Variants in TULP3 observed in about 807,000 individuals in gnomAD.
TULP3 encodes TUB like protein 3, also known as tubby-related protein 3.
Under a neutral mutation model 50.7 loss-of-function variants are expected in TULP3, and 38 were observed. The observed-to-expected ratio is 0.75, with a 90% confidence interval of 0.58 to 0.98. The LOEUF (loss-of-function observed/expected upper bound fraction) is 0.98, where lower values mean the gene tolerates loss of function less well. Ranked by LOEUF, TULP3 falls within the 50% of genes least tolerant of loss-of-function variation. TULP3 has a pLI of 0.00. For missense variants in TULP3, 550 were observed against 568.0 expected (o/e 0.97, Z 0.32); for synonymous variants, 183 against 196.6 (o/e 0.93, Z 0.58).
chr12:2,905,232 C>T (rs1376709245), intron 1 of TULP3, among the ~76,000 whole-genome samples: 1 of 145,458 alleles, frequency 6.9e-6, no homozygotes, highest in East Asian at 2.1e-4. Flanking sequence ...TCTTGCCAGG[C>T]TGGAGTGCAG....
At chr12:2,919,766 T>TC (rs758269392) in intron 2 of TULP3, among the ~76,000 whole-genome samples, 1 of 152,156 alleles carries the variant, frequency 6.6e-6, no homozygotes. Flanking sequence ...GGTTTTTTTT[T>TC]CTCATAGTCT....
chr12:2,893,889 C>T (rs2098173791), intron 1 of TULP3, among the ~76,000 whole-genome samples: 1 of 151,788 alleles, frequency 6.6e-6, no homozygotes, highest in South Asian at 2.1e-4. Context: ...AGTGATCCTC[C>T]TGCCTCAGCC....
In TULP3 at chr12:2,913,215, GTGTGTGTA is replaced by G. The variant is rs1304467854; in HGVS notation, c.93+3643_93+3650del. Among the ~76,000 whole-genome samples the G allele has an allele frequency of 3.9e-4, 59 of 149,386 alleles. No homozygotes were observed. The Middle Eastern group carries it at 0.01, about 26-fold the overall frequency. ...TTATGTTGAGTTTGTGTGTGTGTGT[GTGTGTGTA>G]TGTGTGTGTGTGTGGTGGCCTTTTA... On this transcript the variant is annotated intron_variant, in intron 2 of 10. Transcript: ENST00000448120.
At chr12:2,917,711 A>T (rs989548152) in intron 2 of TULP3, among the ~76,000 whole-genome samples, 2 of 151,604 alleles carry the variant, frequency 1.3e-5, no homozygotes, top group Non-Finnish European at 2.9e-5. Flanking sequence ...CCTCATCTTT[A>T]CTAAAAATAC....
chr12:2,940,707 C>A lies in TULP3; in HGVS notation c.*1263C>A, dbSNP rs996109843. 121 of 1,550,960 alleles carry A rather than the reference C, an allele frequency of 7.8e-5. No individual in the cohort carries two copies. Among genetic ancestry groups the A allele is most frequent in the Non-Finnish European group, 1.0e-4 (119 of 1,146,712 alleles). On this transcript the variant is annotated 3_prime_UTR_variant, in exon 11 of 11. Coordinates refer to ENST00000448120, the MANE Select transcript of TULP3 (RefSeq NM_003324.5). ...TCACCTCCGCCTGTTGTTCCTGCAC[C>A]ACATCAGATAAGCATGTGAAGGAGG... is the stretch of plus-strand genomic sequence containing the variant.
intron 1 of TULP3, among the ~76,000 whole-genome samples, chr12:2,895,138 G>A (rs1370941521): frequency 6.6e-6 from 1 of 152,152 alleles, no homozygotes; most frequent in African/African-American, 2.4e-5. Flanking sequence ...CTTTTGCTGT[G>A]TGGTACTTGC....
At chr12:2,938,348 C>T (rs887958572) in intron 10 of TULP3, 63 bp downstream of exon 10, 46 of 1,494,058 alleles carry the variant, frequency 3.1e-5, no homozygotes, top group African/African-American at 1.9e-4. Flanking sequence ...GATGGGAATG[C>T]ACATTCCCTG....
At position 2,918,912 on chromosome 12, in the gene TULP3, G is replaced by A. The variant is rs140644634; in HGVS notation, c.94-1851G>A. On this transcript the variant is annotated intron_variant, in intron 2 of 10. Transcript: ENST00000448120. Reference sequence around the variant, plus strand: ...GAATTTTTTTTTTTTTTGAGACAGAGTCTCGAGTCTTGCTCTGTCACCCAG... The same window carrying A: ...GAATTTTTTTTTTTTTTGAGACAGAATCTCGAGTCTTGCTCTGTCACCCAG... Among the ~76,000 whole-genome samples the A allele has an allele frequency of 1.3e-3, 194 of 149,322 alleles. 1 individual carries two copies. The East Asian group carries it at 0.022, about 17-fold the overall frequency.
At chr12:2,921,574 T>C (rs1280688385) in intron 3 of TULP3, among the ~76,000 whole-genome samples, 1 of 152,142 alleles carries the variant, frequency 6.6e-6, no homozygotes, top group African/African-American at 2.4e-5. Flanking sequence ...TTCCAACAGA[T>C]AGTTGAAAGG....
At chr12:2,900,984 G>A (rs896810041) in intron 1 of TULP3, among the ~76,000 whole-genome samples, 4 of 151,378 alleles carry the variant, frequency 2.6e-5, no homozygotes, top group African/African-American at 9.7e-5. Context: ...TGGGATTACA[G>A]GCGTGAGCTA....
chr12:2,910,878 C>T (rs563045910), intron 2 of TULP3, among the ~76,000 whole-genome samples: 1 of 152,310 alleles, frequency 6.6e-6, no homozygotes, highest in South Asian at 2.1e-4. Context: ...TTATTTTCTT[C>T]ATTCTGTTGC....
At position 2,911,254 on chromosome 12, in the gene TULP3, T is replaced by C. The variant is rs2098185290; in HGVS notation, c.93+1674T>C. Reference sequence around the variant, plus strand: ...AATAAAAACATAAGAATTCAAATAATATAAGATAGATGTTTGATGAAAACA... The same window carrying C: ...AATAAAAACATAAGAATTCAAATAACATAAGATAGATGTTTGATGAAAACA... On this transcript the variant is annotated intron_variant, in intron 2 of 10. Transcript: ENST00000448120. Among the ~76,000 whole-genome samples the C allele has an allele frequency of 2.0e-5, 3 of 152,276 alleles. No individual in the cohort carries two copies. In the South Asian group the frequency reaches 6.2e-4, roughly 32 times the overall value.
intron 1 of TULP3, among the ~76,000 whole-genome samples, chr12:2,901,661 G>A (rs986333727): frequency 1.8e-4 from 27 of 152,078 alleles, no homozygotes; most frequent in Admixed American, 1.4e-3. Context: ...GGGATTACAG[G>A]TGTGAGCTAC....
In TULP3 at chr12:2,939,588, C is replaced by T. The variant is rs1353240873; in HGVS notation, c.*144C>T. On this transcript the variant is annotated 3_prime_UTR_variant, in exon 11 of 11. Transcript: ENST00000448120. This position sits in a 1 kb window ranked among gnomAD's most constrained non-coding sequence, Gnocchi z 4.0. ...TCTCTGAATATATAAAACACACACA[C>T]AAAGAGCAATAGTTTGCCCCTTTTG... 3 of 1,229,328 alleles carry T rather than the reference C, an allele frequency of 2.4e-6. No homozygotes were observed. The highest frequency in any genetic ancestry group is 1.7e-5 in the South Asian group (1 of 60,558). 76.2% of individuals were successfully genotyped at this position (1,229,328 alleles called of 1,614,324 possible).
At chr12:2,898,655 T>C (rs930121981) in intron 1 of TULP3, among the ~76,000 whole-genome samples, 1 of 152,176 alleles carries the variant, frequency 6.6e-6, no homozygotes, top group African/African-American at 2.4e-5. Flanking sequence ...CTTTTTTCTT[T>C]TTATTCATTA....
At chr12:2,915,084 G>A (rs1385062667) in intron 2 of TULP3, among the ~76,000 whole-genome samples, 2 of 151,936 alleles carry the variant, frequency 1.3e-5, no homozygotes, top group African/African-American at 4.8e-5. Context: ...TGCCTCTCGG[G>A]TTCAAGCGAT....
intron 2 of TULP3, among the ~76,000 whole-genome samples, chr12:2,909,814 A>G (rs1031105928): frequency 6.6e-6 from 1 of 152,212 alleles, no homozygotes; most frequent in Non-Finnish European, 1.5e-5. Flanking sequence ...TTGGATTTAC[A>G]ATCACCAAAA....
intron 4 of TULP3, among the ~76,000 whole-genome samples, chr12:2,925,795 G>C (rs2098194356): frequency 1.3e-5 from 2 of 152,182 alleles, no homozygotes; most frequent in Non-Finnish European, 2.9e-5. Flanking sequence ...TAGCTGAAAA[G>C]TGGCAGATTT....
chr12:2,899,631 C>G (rs537504825), intron 1 of TULP3, among the ~76,000 whole-genome samples: 92 of 152,206 alleles, frequency 6.0e-4, no homozygotes, highest in Middle Eastern at 3.4e-3. Flanking sequence ...TGGTGGCTCA[C>G]GCCTGTAATC....
Sources: allele counts gnomAD v4.1 joint callset (sites outside exome capture counted in the v4.1 genomes callset), GRCh38; gene constraint gnomAD v4.1.1; non-coding constraint Gnocchi (gnomAD v3.1); transcripts MANE v1.5; gene names NCBI Gene and HGNC (gene_info 2026-07-23, HGNC 2026-07-21).